Variants in SS18L1 observed in about 807,000 individuals in gnomAD.
SS18L1 encodes calcium-responsive transactivator.
Under a neutral mutation model 70.3 loss-of-function variants are expected in SS18L1, and 32 were observed. That is an observed-to-expected ratio of 0.46 (90% CI 0.34 to 0.61). The LOEUF is 0.61. SS18L1 is among the 20% of genes least tolerant of loss of function. The pLI, the probability that SS18L1 is intolerant of heterozygous loss-of-function variation, is 0.01. For missense variants in SS18L1, 430 were observed against 542.1 expected (o/e 0.79, Z 2.05); for synonymous variants, 237 against 229.7 (o/e 1.03, Z -0.29).
intron 1 of SS18L1, among the ~76,000 whole-genome samples, chr20:62,146,006 G>A (rs62205875): frequency 6.8e-4 from 101 of 148,972 alleles, no homozygotes; most frequent in Middle Eastern, 6.9e-3. Context: ...GCGTGGTAGC[G>A]AAGGAGAAAG....
chr20:62,169,462 T>C (rs1247143516), intron 8 of SS18L1, among the ~76,000 whole-genome samples: 1 of 152,200 alleles, frequency 6.6e-6, no homozygotes, highest in Non-Finnish European at 1.5e-5. Context: ...TGTAGATGTA[T>C]TGGCAGCTTC....
In SS18L1 at chr20:62,158,098, C is replaced by T. The variant is rs973339311; in HGVS notation, c.70-574C>T. 5.9e-5 allele frequency among the ~76,000 whole-genome samples: 9 copies of T among 152,152 alleles called. No homozygotes were observed. Among genetic ancestry groups the T allele is most frequent in the African/African-American group, 2.2e-4 (9 of 41,412 alleles). ...AGGCTATCCCCTCCAGCTAGGGGCACCAGGGCCTCTTGTGGGGTGCCCACA... is the reference window on the plus strand; with the variant it reads ...AGGCTATCCCCTCCAGCTAGGGGCATCAGGGCCTCTTGTGGGGTGCCCACA... On this transcript the variant is annotated intron_variant, in intron 1 of 10. Coordinates refer to ENST00000331758, the MANE Select transcript of SS18L1 (RefSeq NM_198935.3). This position sits in a 1 kb window ranked among gnomAD's most constrained non-coding sequence, Gnocchi z 4.5.
intron 10 of SS18L1, among the ~76,000 whole-genome samples, chr20:62,176,912 G>A (rs1188306234): frequency 6.6e-6 from 1 of 152,266 alleles, no homozygotes; most frequent in Non-Finnish European, 1.5e-5. Flanking sequence ...AGCATCCAGT[G>A]TAGCTGGCCG....
intron 9 of SS18L1, among the ~76,000 whole-genome samples, chr20:62,173,500 A>G (rs967360315): frequency 6.6e-6 from 1 of 152,072 alleles, no homozygotes; most frequent in African/African-American, 2.4e-5. Context: ...ACCTGAGGTC[A>G]GGGGTTCAAG....
At chr20:62,160,796 T>C (rs1486674706) in intron 3 of SS18L1, among the ~76,000 whole-genome samples, 1 of 152,128 alleles carries the variant, frequency 6.6e-6, no homozygotes, top group African/African-American at 2.4e-5. Flanking sequence ...ATTGCACTTC[T>C]TCACCCTGCA....
chr20:62,155,435 G>A (rs1407494039), intron 1 of SS18L1, among the ~76,000 whole-genome samples: 1 of 152,188 alleles, frequency 6.6e-6, no homozygotes, highest in Admixed American at 6.5e-5. Flanking sequence ...AATAGAAAAA[G>A]TCTCCGTCTT....
Position 62,150,772 on chromosome 20 carries a change from A to G in SS18L1, c.69+6883A>G, listed in dbSNP as rs920689961. On this transcript the variant is annotated intron_variant, in intron 1 of 10. Transcript: ENST00000331758. ...GGCTCAAGGGACAGGTGAGGTCTCT[A>G]TGTGCTGACAGAGGACAGTCTCCAA... 6.1e-5 allele frequency among the ~76,000 whole-genome samples: 9 copies of G among 146,890 alleles called. No individual in the cohort carries two copies. The East Asian group carries it at 6.2e-4, about 10-fold the overall frequency.
Position 62,165,456 on chromosome 20 carries a change from C to T in SS18L1, c.858C>T (p.Tyr286=). ...HGDYAYQQSS[Y]TEQSYDRSFE... is the part of the protein sequence containing the mutation. ...ATTACGCCTACCAGCAGTCATCCTA[C>T]ACGGAGCAGAGCTACGACCGGTCCT... is the stretch of plus-strand genomic sequence containing the variant. Residue 286 remains tyrosine, a synonymous_variant, in exon 8 of 11, where the codon TAC becomes TAT. Coordinates refer to ENST00000331758, the MANE Select transcript of SS18L1 (RefSeq NM_198935.3). 2.5e-6 allele frequency: 4 copies of T among 1,613,222 alleles called. No individual in the cohort carries two copies. Among genetic ancestry groups the T allele is most frequent in the Non-Finnish European group, 3.4e-6 (4 of 1,179,906 alleles).
chr20:62,180,257 T>C lies in SS18L1; in HGVS notation c.*1049T>C, dbSNP rs73307491. ...TCCAGTTACATTACTGTGTTCTTTC[T>C]AATGAAAAGTAAAGGTTTTATATAG... On this transcript the variant is annotated 3_prime_UTR_variant, in exon 11 of 11. Transcript: ENST00000331758. The C allele has an allele frequency of 2.6e-3, 507 of 196,776 alleles. 5 individuals are homozygous for C. The highest frequency in any genetic ancestry group is 0.011 in the African/African-American group (474 of 43,392). 12.2% of individuals were successfully genotyped at this position (196,776 alleles called of 1,614,324 possible). A position where few individuals can be genotyped will look rare whatever the true frequency, so the allele number is the denominator to read the frequency against.
At chr20:62,160,305 GGTGGGGTGGGGAGAGGTGGA>G (rs2057302416) in intron 3 of SS18L1, among the ~76,000 whole-genome samples, 2 of 76,810 alleles carry the variant, frequency 2.6e-5, no homozygotes, top group African/African-American at 1.7e-4. Context: ...GGAGAGGTGG[GGTGGGGTGGGGAGAGGTGGA>G]GAGAGGTGGG....
intron 1 of SS18L1, among the ~76,000 whole-genome samples, chr20:62,154,817 T>C (rs1427607520): frequency 6.6e-6 from 1 of 152,210 alleles, no homozygotes; most frequent in Non-Finnish European, 1.5e-5. Flanking sequence ...ATTTCTTCAC[T>C]GCTCCTGTCT....
In SS18L1 at chr20:62,180,569, G is replaced by A. The variant is rs2057690888; in HGVS notation, c.*1361G>A. 5.6e-6 allele frequency: 1 copy of A among 177,666 alleles called. No homozygotes were observed. The highest frequency in any genetic ancestry group is 2.0e-4 in the South Asian group (1 of 5,042). 11.0% of individuals were successfully genotyped at this position (177,666 alleles called of 1,614,324 possible). A position where few individuals can be genotyped will look rare whatever the true frequency, so the allele number is the denominator to read the frequency against. On this transcript the variant is annotated 3_prime_UTR_variant, in exon 11 of 11. Transcript: ENST00000331758. The stretch of plus-strand genomic sequence containing the variant: ...TTGATATATGAGGCCTAGTAATAAC[G>A]ATATTTCTCTTTAATTGATGTTTTG...
At chr20:62,168,328 C>T (rs1353726598) in intron 8 of SS18L1, among the ~76,000 whole-genome samples, 1 of 152,170 alleles carries the variant, frequency 6.6e-6, no homozygotes, top group East Asian at 1.9e-4. Context: ...TACCCTACAG[C>T]AGGTGGTACT....
At chr20:62,156,847 G>A (rs983047657) in intron 1 of SS18L1, among the ~76,000 whole-genome samples, 1 of 152,210 alleles carries the variant, frequency 6.6e-6, no homozygotes, top group African/African-American at 2.4e-5. Context: ...TGTCGGGAGC[G>A]GCCTCCTAGG....
intron 1 of SS18L1, among the ~76,000 whole-genome samples, chr20:62,146,605 A>ATCTTTTTTT (rs2057031746): frequency 1.3e-5 from 1 of 79,714 alleles, no homozygotes; most frequent in African/African-American, 5.2e-5. Context: ...TGCTTTGATC[A>ATCTTTTTTT]TTTTTTTTTT....
At chr20:62,171,063 G>T (rs1176197321) in intron 8 of SS18L1, among the ~76,000 whole-genome samples, 1 of 147,084 alleles carries the variant, frequency 6.8e-6, no homozygotes, top group Non-Finnish European at 1.5e-5. Flanking sequence ...CACCATGCCG[G>T]GCTAAATTTT....
chr20:62,181,479 T>G lies in SS18L1; in HGVS notation c.*2271T>G, dbSNP rs939593873. The stretch of plus-strand genomic sequence containing the variant: ...CTGGGAATATGCCTTTTTTGTGTGT[T>G]TGTGTGTTTTTTTAAGTGCTGTATT... On this transcript the variant is annotated 3_prime_UTR_variant, in exon 11 of 11. Transcript: ENST00000331758. 9.0e-5 allele frequency: 19 copies of G among 212,080 alleles called. No homozygotes were observed. Among genetic ancestry groups the G allele is most frequent in the South Asian group, 3.7e-4 (2 of 5,356 alleles). 13.1% of individuals were successfully genotyped at this position (212,080 alleles called of 1,614,324 possible). A position where few individuals can be genotyped will look rare whatever the true frequency, so the allele number is the denominator to read the frequency against.
chr20:62,146,419 TC>T (rs1054203542), intron 1 of SS18L1, among the ~76,000 whole-genome samples: 2 of 152,072 alleles, frequency 1.3e-5, no homozygotes, highest in African/African-American at 4.8e-5. Context: ...TCCTGTGACT[TC>T]CTTGACACAT....
At position 62,174,202 on chromosome 20, in the gene SS18L1, A is replaced by G. The variant is rs549671274; in HGVS notation, c.1037-315A>G. ...GGTTCTGGAGGGCTGTCCTGCCTTC[A>G]GGTAGCAGCAGTTCTGGGGTGATGG... On this transcript the variant is annotated intron_variant, in intron 9 of 10. Transcript: ENST00000331758. This position sits in a 1 kb window ranked among gnomAD's most constrained non-coding sequence, Gnocchi z 4.1. Among the ~76,000 whole-genome samples, 43 of 152,088 alleles carry G rather than the reference A, an allele frequency of 2.8e-4. No homozygotes were observed. In the East Asian group the frequency reaches 8.4e-3, roughly 30 times the overall value.
Sources: allele counts gnomAD v4.1 joint callset (sites outside exome capture counted in the v4.1 genomes callset), GRCh38; gene constraint gnomAD v4.1.1; non-coding constraint Gnocchi (gnomAD v3.1); transcripts MANE v1.5; gene names NCBI Gene and HGNC (gene_info 2026-07-23, HGNC 2026-07-21).